DNM3: variants seen among roughly 807,000 people sequenced by gnomAD.
DNM3 encodes the protein dynamin 3.
In DNM3, 47 loss-of-function variants were observed where a neutral mutation model predicts 101.6. The observed-to-expected ratio is 0.46, with a 90% confidence interval of 0.37 to 0.59. DNM3 has a LOEUF of 0.59. Among genes scored for constraint, DNM3 ranks in the 20% least tolerant of loss-of-function variants. The probability of loss-of-function intolerance (pLI) is 0.00; values close to 1 mark genes in which losing one functional copy is unlikely to be tolerated. For synonymous variants in DNM3, 385 were observed against 387.9 expected (o/e 0.99, Z 0.09); for missense variants, 849 against 1,085.7 (o/e 0.78, Z 3.06).
intron 1 of DNM3, among the ~76,000 whole-genome samples, chr1:171,863,407 A>C (rs1162714150): frequency 6.6e-6 from 1 of 152,102 alleles, no homozygotes; most frequent in African/African-American, 2.4e-5. Context: ...TAGGAAGCAG[A>C]GGGAGGGGCA....
intron 19 of DNM3, among the ~76,000 whole-genome samples, chr1:172,387,900 A>G (rs936980925): frequency 6.6e-6 from 1 of 152,082 alleles, no homozygotes; most frequent in African/African-American, 2.4e-5. Context: ...TAAGTCCTAA[A>G]ATGAAAAGAT....
intron 4 of DNM3, among the ~76,000 whole-genome samples, chr1:172,000,447 A>C (rs1572027486): frequency 6.6e-6 from 1 of 152,068 alleles, no homozygotes; most frequent in Non-Finnish European, 1.5e-5. Context: ...AGTTTTCCCC[A>C]GTTCTCACAG....
intron 14 of DNM3, chr1:172,133,028 C>T (rs1371626224): frequency 8.0e-6 from 12 of 1,503,126 alleles, no homozygotes; most frequent in Non-Finnish European, 9.7e-6. Flanking sequence ...CCCAGAGATG[C>T]CTGGAGTTGT....
At chr1:172,319,949 A>G (rs182203771) in intron 16 of DNM3, among the ~76,000 whole-genome samples, 3,210 of 152,202 alleles carry the variant, frequency 0.021, 98 homozygotes, top group African/African-American at 0.073. Context: ...TTATTGCAGC[A>G]CTACTCACAA....
intron 15 of DNM3, chr1:172,289,437 G>A (rs142665570): frequency 5.0e-6 from 2 of 397,538 alleles, no homozygotes; most frequent in African/African-American, 4.5e-5. Context: ...TTAATCTTTT[G>A]TCTGTTAACT....
At chr1:172,151,381 C>T (rs1020080468) in intron 14 of DNM3, among the ~76,000 whole-genome samples, 8 of 152,116 alleles carry the variant, frequency 5.3e-5, no homozygotes, top group African/African-American at 7.2e-5. Context: ...GGTTTCTATT[C>T]GAGTGGAGCT....
intron 10 of DNM3, among the ~76,000 whole-genome samples, chr1:172,056,040 G>A (rs140059356): frequency 0.01 from 1,530 of 152,288 alleles, 23 homozygotes; most frequent in African/African-American, 0.033. Context: ...GAAGTGCAAG[G>A]GGTCAGGGAG....
chr1:171,973,003 G>A lies in DNM3; in HGVS notation c.236-14653G>A, dbSNP rs538088604. 5.3e-5 allele frequency among the ~76,000 whole-genome samples: 8 copies of A among 152,264 alleles called. No homozygotes were observed. In the East Asian group the frequency reaches 1.5e-3, roughly 29 times the overall value. On this transcript the variant is annotated intron_variant, in intron 2 of 20. Transcript: ENST00000627582. ...AAGTTAGTACATTTTTATGGGGAAA[G>A]TTTCCGTGGCTTTTCTCAGATGCTT...
intron 18 of DNM3, among the ~76,000 whole-genome samples, chr1:172,381,960 G>GGCCTTCTGAAAAAGAATATGTTTCA (rs2068933793): frequency 6.6e-6 from 1 of 151,988 alleles, no homozygotes; most frequent in African/African-American, 2.4e-5. Context: ...AATATGTTTC[G>GGCCTTCTGAAAAAGAATATGTTTCA]GCCTTCTGAA....
At chr1:172,038,121 C>T (rs1465800981) in intron 6 of DNM3, among the ~76,000 whole-genome samples, 198 bp from the exon 7 acceptor site, 1 of 152,162 alleles carries the variant, frequency 6.6e-6, no homozygotes, top group African/African-American at 2.4e-5. Flanking sequence ...TTTTGAGCAT[C>T]TCTGAAGGGC....
At chr1:172,116,576 A>G (rs552343734) in intron 13 of DNM3, among the ~76,000 whole-genome samples, 40 of 152,332 alleles carry the variant, frequency 2.6e-4, no homozygotes, top group African/African-American at 8.7e-4. Flanking sequence ...TCTTTCTCCC[A>G]TAGCTGAGGA....
chr1:171,950,380 A>T (rs1293361611), intron 2 of DNM3, among the ~76,000 whole-genome samples: 1 of 152,188 alleles, frequency 6.6e-6, no homozygotes, highest in African/African-American at 2.4e-5. Context: ...CTTGGCAGTC[A>T]GTCAACCATG....
Position 172,379,077 on chromosome 1 carries a change from GC to G in DNM3, c.1954del (p.Gln652LysfsTer9). On this transcript the variant is annotated frameshift_variant, in exon 18 of 21. Transcript: ENST00000627582. LOFTEE classifies it high-confidence loss of function. ...TTTCCATGGACCCACAATTGGAGAG[GC>G]AAGTGGAGACCATTCGCAACCTCGT... ...NFSMDPQLER[Q>X]VETIRNLVDS... is the part of the protein sequence containing the mutation. The G allele has an allele frequency of 6.2e-7, 1 of 1,612,384 alleles. No homozygotes were observed. Among genetic ancestry groups the G allele is most frequent in the Non-Finnish European group, 8.5e-7 (1 of 1,179,002 alleles).
chr1:172,121,682 G>A (rs1164239653), intron 13 of DNM3, among the ~76,000 whole-genome samples: 2 of 152,162 alleles, frequency 1.3e-5, no homozygotes, highest in African/African-American at 4.8e-5. Context: ...TTGGAGTTCT[G>A]TTTAATTTAT....
intron 13 of DNM3, among the ~76,000 whole-genome samples, 189 bp from the exon 14 acceptor site, chr1:172,130,986 C>T (rs952491550): frequency 1.3e-5 from 2 of 152,204 alleles, no homozygotes; most frequent in Non-Finnish European, 2.9e-5. Flanking sequence ...ACAGGAGAGA[C>T]TTCCCTTCAC....
At chr1:172,157,534 T>C (rs2058386041) in intron 14 of DNM3, among the ~76,000 whole-genome samples, 1 of 152,112 alleles carries the variant, frequency 6.6e-6, no homozygotes, top group South Asian at 2.1e-4. Flanking sequence ...GCACTTAGGA[T>C]ATACAGTTGA....
chr1:171,925,337 C>T (rs1176664637), intron 2 of DNM3, among the ~76,000 whole-genome samples: 5 of 152,148 alleles, frequency 3.3e-5, no homozygotes, highest in Non-Finnish European at 7.3e-5. Context: ...ATGCCATTCT[C>T]CTGCCTCAGC....
At chr1:172,257,635 G>A (rs779534876) in intron 15 of DNM3, among the ~76,000 whole-genome samples, 7 of 151,784 alleles carry the variant, frequency 4.6e-5, no homozygotes, top group African/African-American at 9.7e-5. Context: ...TCTATTACAC[G>A]CATAGCATAT....
At chr1:172,297,545 A>AT (rs1438234285) in intron 15 of DNM3, among the ~76,000 whole-genome samples, 1 of 151,858 alleles carries the variant, frequency 6.6e-6, no homozygotes, top group East Asian at 1.9e-4. Flanking sequence ...GGTTTATTTT[A>AT]TTTTTTAAAA....
Sources: allele counts gnomAD v4.1 joint callset (sites outside exome capture counted in the v4.1 genomes callset), GRCh38; gene constraint gnomAD v4.1.1; transcripts MANE v1.5; gene names NCBI Gene and HGNC (gene_info 2026-07-23, HGNC 2026-07-21).